MDC1: variants seen among roughly 807,000 people sequenced by gnomAD.
The protein encoded by MDC1 is mediator of DNA damage checkpoint protein 1.
Under a neutral mutation model 142.5 loss-of-function variants are expected in MDC1, and 81 were observed. The ratio of observed to expected loss-of-function variants is 0.57; its 90% confidence interval spans 0.47 to 0.68. The LOEUF is 0.68. MDC1 is among the 30% of genes least tolerant of loss of function. MDC1 has a pLI of 0.00. For synonymous variants in MDC1, 797 were observed against 968.4 expected, an observed-to-expected ratio of 0.82 and a Z score of 3.29; for missense variants, 2,119 against 2,547.9, an observed-to-expected ratio of 0.83 and a Z score of 3.62.
chr6:30,700,858 C>A (rs1772509647), intron 14 of MDC1, among the ~76,000 whole-genome samples: 1 of 135,056 alleles, frequency 7.4e-6, no homozygotes, highest in Non-Finnish European at 1.5e-5. Flanking sequence ...ATCACGAGGT[C>A]AGGAGATCAA....
At position 30,714,026 on chromosome 6, in the gene MDC1, A is replaced by T. The variant is rs375910626; in HGVS notation, c.294T>A (p.Thr98=). 1.1e-4 allele frequency: 172 copies of T among 1,612,934 alleles called. No individual in the cohort carries two copies. The Middle Eastern group carries it at 3.8e-3, about 36-fold the overall frequency. ...ILRDCGSLNG[T]QILRPPKVLS... The stretch of plus-strand genomic sequence containing the variant: ...AAACCTTAGGAGGTCTCAGGATTTG[A>T]GTACCATTAAGGCTCCCACAGTCTC... Residue 98 remains threonine (T), a synonymous_variant, in exon 3 of 15, where the codon ACT becomes ACA. Transcript: ENST00000376406.
Position 30,715,122 on chromosome 6 carries a change from C to T in MDC1, c.54G>A (p.Glu18=), listed in dbSNP as rs750542261. 6.2e-7 allele frequency: 1 copy of T among 1,614,178 alleles called. No homozygotes were observed. Among genetic ancestry groups the T allele is most frequent in the South Asian group, 1.1e-5 (1 of 91,086 alleles). The change falls in exon 2 of 15, where the codon GAG becomes GAA. Residue 18 remains glutamate (E), a synonymous_variant. Coordinates refer to ENST00000376406, the MANE Select transcript of MDC1 (RefSeq NM_014641.3). This position sits in a 1 kb window ranked among gnomAD's most constrained non-coding sequence, Gnocchi z 4.1. The stretch of plus-strand genomic sequence containing the variant: ...TACACCTCAAGGATTCACTGGATTG[C>T]TCTGTCTCCTCCTCTTCTTCAACAT... ...DWDVEEEEET[E]QSSESLRCNV...
chr6:30,708,023 T>G lies in MDC1; in HGVS notation c.2556A>C (p.Leu852Phe). Residue 852 changes from leucine (L) to phenylalanine (F), a missense_variant, in exon 8 of 15, where the codon TTA becomes TTC. By Grantham distance (22) the Leu-to-Phe change is conservative (BLOSUM62 0). Coordinates refer to ENST00000376406, the MANE Select transcript of MDC1 (RefSeq NM_014641.3). ...RQTDVTGEEE[L>F]TKGKQDREQK... Reference sequence around the variant, plus strand: ...GTTCTCTGTCCTGTTTCCCCTTGGTTAATTCTTCCTCTCCTGTCACATCTG... The same window carrying G: ...GTTCTCTGTCCTGTTTCCCCTTGGTGAATTCTTCCTCTCCTGTCACATCTG... 1 of 1,613,108 alleles carries G rather than the reference T, an allele frequency of 6.2e-7. No individual in the cohort carries two copies. Among genetic ancestry groups the G allele is most frequent in the Non-Finnish European group, 8.5e-7 (1 of 1,180,040 alleles).
In MDC1 at chr6:30,704,442, A is replaced by G. The variant is rs1474946806; in HGVS notation, c.4741T>C (p.Ser1581Pro). Residue 1581 changes from serine to proline, a missense_variant, in exon 10 of 15, where the codon TCC (serine) becomes CCC (proline). Coordinates refer to ENST00000376406, the MANE Select transcript of MDC1 (RefSeq NM_014641.3). ...GTGACAAGCTGGTTTCTGGAGGTGG[A>G]AGGCTGAAGCTCAGGGGCTATAGGG... ...IVPIAPELQP[S>P]TSRNQLVTPE... 2 of 1,609,196 alleles carry G rather than the reference A, an allele frequency of 1.2e-6. No individual in the cohort carries two copies. The highest frequency in any genetic ancestry group is 2.7e-5 in the African/African-American group (2 of 73,052).
Position 30,703,654 on chromosome 6 carries a change from T to C in MDC1, c.5529A>G (p.Glu1843=). ...SQKTVIIKEE[E]EDTAEKPGKE... ...TCCCTGGCTTCTCTGCAGTATCTTC[T>C]TCCTCTTCCTTGATAATCACTGTCT... The change falls in exon 10 of 15, where the codon GAA becomes GAG. Residue 1843 remains glutamate (E), a synonymous_variant. Transcript: ENST00000376406. This position sits in a 1 kb window ranked among gnomAD's most constrained non-coding sequence, Gnocchi z 4.4. 6.4e-7 allele frequency: 1 copy of C among 1,563,964 alleles called. No individual in the cohort carries two copies. Among genetic ancestry groups the C allele is most frequent in the South Asian group, 1.2e-5 (1 of 81,744 alleles).
chr6:30,708,389 G>C (rs763675971), intron 7 of MDC1, 32 bp from the exon 8 acceptor site: 1 of 1,563,352 alleles, frequency 6.4e-7, no homozygotes, highest in South Asian at 1.1e-5. Context: ...GAGAGAGAGG[G>C]AGAGGGAGAG....
rs747209229 is a variant in MDC1, at chr6:30,713,900, G to A, written c.420C>T (p.Val140=). 6.2e-7 allele frequency: 1 copy of A among 1,613,786 alleles called. No individual in the cohort carries two copies. The highest frequency in any genetic ancestry group is 1.1e-5 in the South Asian group (1 of 91,086). Reference sequence around the variant, plus strand: ...CTTCTACTGTCAGAGGGCCCCGGGAGACAAAGGGCAGAGAGACATCCAGGC... The same window carrying A: ...CTTCTACTGTCAGAGGGCCCCGGGAAACAAAGGGCAGAGAGACATCCAGGC... The part of the protein sequence containing the change: ...YHRLDVSLPF[V]SRGPLTVEET... Residue 140 remains valine, a synonymous_variant, in exon 3 of 15, where the codon GTC becomes GTT. Coordinates refer to ENST00000376406, the MANE Select transcript of MDC1 (RefSeq NM_014641.3). This position sits in a 1 kb window ranked among gnomAD's most constrained non-coding sequence, Gnocchi z 4.9.
rs1772442727 is a variant in MDC1, at chr6:30,700,551, G to A, written c.6184C>T (p.Pro2062Ser). Residue 2062 changes from proline (P) to serine (S), a missense_variant, in exon 15 of 15, where the codon CCT (proline) becomes TCT (serine). Pro to Ser is a moderately conservative substitution (Grantham distance 74). Transcript: ENST00000376406. ...AGCACTCCAGTCAGCAGGAACTCAG[G>A]CGAGAGGAGGGGCAGCCCAACCCGT... ...PLRVGLPLLS[P>S]EFLLTGVLKQ... is the part of the protein sequence containing the mutation. 1 of 1,612,872 alleles carries A rather than the reference G, an allele frequency of 6.2e-7. No homozygotes were observed. Among genetic ancestry groups the A allele is most frequent in the Admixed American group, 1.7e-5 (1 of 59,980 alleles).
rs769695123 is a variant in MDC1 at position 30,704,924 on chromosome 6, G to C, written c.4259C>G (p.Thr1420Arg). ...TAPKLEPSTSTDQPVTPEPTS... is the reference protein window; with the variant it reads ...TAPKLEPSTSRDQPVTPEPTS... ...GGGCTCAGGAGTGACAGGTTGGTCT[G>C]TGGAAGTGGAAGGCTCGAGCTTAGG... The change falls in exon 10 of 15, where the codon ACA (threonine) becomes AGA (arginine). Residue 1420 changes from threonine to arginine, a missense_variant. Transcript: ENST00000376406. The C allele has an allele frequency of 6.2e-7, 1 of 1,606,020 alleles. No individual in the cohort carries two copies. Among genetic ancestry groups the C allele is most frequent in the Non-Finnish European group, 8.5e-7 (1 of 1,176,342 alleles).
Position 30,705,004 on chromosome 6 carries a change from C to T in MDC1, c.4179G>A (p.Arg1393=). Residue 1393 remains arginine, a synonymous_variant, in exon 10 of 15, where the codon AGG becomes AGA. Transcript: ENST00000376406. ...VTPEPTSRAT[R]GRKNRSSGKT... Reference sequence around the variant, plus strand: ...TGCCAGAGGATCTATTTTTTCTTCCCCTAGTAGCCCGAGATGTGGGCTCAG... The same window carrying T: ...TGCCAGAGGATCTATTTTTTCTTCCTCTAGTAGCCCGAGATGTGGGCTCAG... The T allele has an allele frequency of 1.2e-6, 2 of 1,608,042 alleles. No individual in the cohort carries two copies. Among genetic ancestry groups the T allele is most frequent in the South Asian group, 1.1e-5 (1 of 90,594 alleles).
chr6:30,700,766 G>T, intron 14 of MDC1, 134 bp from the exon 15 acceptor site: 1 of 867,734 alleles, frequency 1.2e-6, no homozygotes. Context: ...ACCGCATACT[G>T]TCTATGAAAT....
In MDC1 at chr6:30,703,801, T is replaced by G; in HGVS notation, c.5382A>C (p.Ala1794=). ...HASQIQKVEP[A]GRSRFTPELQ... is the part of the protein sequence containing the mutation. Reference sequence around the variant, plus strand: ...GCTCCGGGGTGAACCTAGATCTACCTGCTGGTTCCACCTTTTGGATCTGGG... The same window carrying G: ...GCTCCGGGGTGAACCTAGATCTACCGGCTGGTTCCACCTTTTGGATCTGGG... The change falls in exon 10 of 15, where the codon GCA becomes GCC. Residue 1794 remains alanine, a synonymous_variant. Coordinates refer to ENST00000376406, the MANE Select transcript of MDC1 (RefSeq NM_014641.3). The surrounding 1 kb of genome is among the most constrained non-coding windows in gnomAD (Gnocchi z 4.4). 1 of 1,600,932 alleles carries G rather than the reference T, an allele frequency of 6.2e-7. No individual in the cohort carries two copies. The highest frequency in any genetic ancestry group is 8.5e-7 in the Non-Finnish European group (1 of 1,173,702).
chr6:30,714,288 CA>C, intron 2 of MDC1, 105 bp from the exon 3 acceptor site: 1 of 1,247,362 alleles, frequency 8.0e-7, no homozygotes, highest in Non-Finnish European at 1.1e-6. Context: ...CCTCCATATG[CA>C]TTAGAAAAAT....
intron 14 of MDC1, among the ~76,000 whole-genome samples, chr6:30,702,280 A>AAAAAAAAAAAAAG (rs1562073140): frequency 7.5e-6 from 1 of 132,564 alleles, no homozygotes; most frequent in Non-Finnish European, 1.7e-5. Context: ...AAAAAAAAAA[A>AAAAAAAAAAAAAG]AGAAAATCAA....
In MDC1 at chr6:30,707,617, TCC is replaced by T. The variant is rs1259547658; in HGVS notation, c.2960_2961del (p.Gly987GlufsTer28). The T allele has an allele frequency of 6.2e-7, 1 of 1,612,720 alleles. No individual in the cohort carries two copies. The highest frequency in any genetic ancestry group is 8.5e-7 in the Non-Finnish European group (1 of 1,179,870). ...PGPTSAPVPSGSQSGGRGSPV... is the reference protein window; with the variant it reads ...PGPTSAPVPSXSQSGGRGSPV... The stretch of plus-strand genomic sequence containing the variant: ...GGGGATCCCCTTCCACCTGACTGGC[TCC>T]CAGAAGGTACGGGGGCTGAGGTAGG... On this transcript the variant is annotated frameshift_variant, in exon 8 of 15. Transcript: ENST00000376406. LOFTEE classifies it high-confidence loss of function.
chr6:30,705,781 G>C lies in MDC1; in HGVS notation c.3402C>G (p.Ala1134=). The change falls in exon 10 of 15, where the codon GCC becomes GCG. Residue 1134 remains alanine (A), a synonymous_variant. Coordinates refer to ENST00000376406, the MANE Select transcript of MDC1 (RefSeq NM_014641.3). ...ATGTGGGCTTGGGAGTGACTGGCTGGGCTGTGGAGGTGGAAGGGTGGGGCT... is the reference window on the plus strand; with the variant it reads ...ATGTGGGCTTGGGAGTGACTGGCTGCGCTGTGGAGGTGGAAGGGTGGGGCT... ...APEPHPSTST[A]QPVTPKPTSQ... is the part of the protein sequence containing the mutation. 6.2e-7 allele frequency: 1 copy of C among 1,613,232 alleles called. No homozygotes were observed. The highest frequency in any genetic ancestry group is 1.3e-5 in the African/African-American group (1 of 74,980).
In MDC1 at chr6:30,705,091, T is replaced by C. The variant is rs1161816688; in HGVS notation, c.4092A>G (p.Glu1364=). 30 of 1,611,836 alleles carry C rather than the reference T, an allele frequency of 1.9e-5. No individual in the cohort carries two copies. The highest frequency in any genetic ancestry group is 2.5e-5 in the Non-Finnish European group (29 of 1,179,552). The change falls in exon 10 of 15, where the codon GAA becomes GAG. Residue 1364 remains glutamate (E), a synonymous_variant. Coordinates refer to ENST00000376406, the MANE Select transcript of MDC1 (RefSeq NM_014641.3). The stretch of plus-strand genomic sequence containing the variant: ...GCTCAGGGGCTATAGGGACAGTTGA[T>C]TCAGGGTTCTTCACAGAGGACATAT... The part of the protein sequence containing the change: ...RTNMSSVKNP[E]STVPIAPELP...
At position 30,703,568 on chromosome 6, in the gene MDC1, T is replaced by C; in HGVS notation, c.5563-31A>G. Reference sequence around the variant, plus strand: ...ATTGAGAAAAATCTTGGTGGGAGTTTCAGAGCCCTGAAGTCATTTTTCCCA... The same window carrying C: ...ATTGAGAAAAATCTTGGTGGGAGTTCCAGAGCCCTGAAGTCATTTTTCCCA... On this transcript the variant is annotated intron_variant, in intron 10 of 14. Coordinates refer to ENST00000376406, the MANE Select transcript of MDC1 (RefSeq NM_014641.3). The surrounding 1 kb of genome is among the most constrained non-coding windows in gnomAD (Gnocchi z 4.4). The C allele has an allele frequency of 6.2e-7, 1 of 1,612,934 alleles. No individual in the cohort carries two copies. Among genetic ancestry groups the C allele is most frequent in the South Asian group, 1.1e-5 (1 of 91,074 alleles).
In MDC1 at chr6:30,700,527, G is replaced by A. The variant is rs774711530; in HGVS notation, c.6208C>T (p.Leu2070=). Residue 2070 remains leucine, a synonymous_variant, in exon 15 of 15, where the codon CTG becomes TTG. Transcript: ENST00000376406. ...LSPEFLLTGV[L]KQEAKPEAFV... is the part of the protein sequence containing the mutation. Reference sequence around the variant, plus strand: ...GCCTCTGGCTTGGCTTCCTGCTTCAGCACTCCAGTCAGCAGGAACTCAGGC... The same window carrying A: ...GCCTCTGGCTTGGCTTCCTGCTTCAACACTCCAGTCAGCAGGAACTCAGGC... 2 of 1,612,980 alleles carry A rather than the reference G, an allele frequency of 1.2e-6. No individual in the cohort carries two copies. Among genetic ancestry groups the A allele is most frequent in the Non-Finnish European group, 1.7e-6 (2 of 1,180,020 alleles).
Sources: gnomAD v4.1 joint callset for allele counts (sites outside exome capture counted in the v4.1 genomes callset) on GRCh38, gnomAD v4.1.1 for gene constraint, Gnocchi (gnomAD v3.1) non-coding constraint, MANE v1.5 for transcripts, NCBI Gene and HGNC (gene_info 2026-07-23, HGNC 2026-07-21) for gene names.